GALNT17: variants seen among roughly 807,000 people sequenced by gnomAD.
GALNT17 encodes the protein UDP-GalNAc:polypeptide N-acetylgalactosaminyltransferase-like 3.
Under a neutral mutation model 63.7 loss-of-function variants are expected in GALNT17, and 29 were observed. The ratio of observed to expected loss-of-function variants is 0.46; its 90% CI spans 0.34 to 0.62. The LOEUF (loss-of-function observed/expected upper bound fraction) is 0.62. GALNT17 is among the 20% of genes least tolerant of loss of function. GALNT17 has a pLI of 0.01. For missense variants in GALNT17, 603 were observed against 799.6 expected (o/e 0.75, Z 2.97); for synonymous variants, 305 against 318.3 (o/e 0.96, Z 0.45).
chr7:71,517,707 C>T (rs1342608770), intron 5 of GALNT17, among the ~76,000 whole-genome samples: 1 of 152,152 alleles, frequency 6.6e-6, no homozygotes. Context: ...CAGCTCTTTG[C>T]CAGGGGCTGT....
chr7:71,438,579 GATA>G lies in GALNT17; in HGVS notation c.962+17481_962+17483del, dbSNP rs1413496829. Among the ~76,000 whole-genome samples the G allele has an allele frequency of 5.3e-5, 8 of 152,282 alleles. 1 individual carries two copies. Among genetic ancestry groups the G allele is most frequent in the Middle Eastern group, 3.4e-3 (1 of 292 alleles). On this transcript the variant is annotated intron_variant, in intron 5 of 10. Coordinates refer to ENST00000333538, the MANE Select transcript of GALNT17 (RefSeq NM_022479.3). ...CTTCAGATTCTTCATCTGTAAAGGGGATAATAATAGTACTGTCTTATAGGGTTG... is the reference window on the plus strand; with the variant it reads ...CTTCAGATTCTTCATCTGTAAAGGGGATAATAGTACTGTCTTATAGGGTTG...
At chr7:71,399,865 A>T (rs1233497747) in intron 3 of GALNT17, among the ~76,000 whole-genome samples, 1 of 152,204 alleles carries the variant, frequency 6.6e-6, no homozygotes, top group Non-Finnish European at 1.5e-5. Flanking sequence ...ATTTAAAAAA[A>T]TAGTATTGAT....
chr7:71,317,922 T>G (rs1295781265), intron 1 of GALNT17, among the ~76,000 whole-genome samples: 1 of 152,118 alleles, frequency 6.6e-6, no homozygotes, highest in African/African-American at 2.4e-5. Flanking sequence ...TTATTCATAA[T>G]TTTTGGGGTG....
Position 71,271,330 on chromosome 7 carries a change from T to C in GALNT17, c.239-64220T>C, listed in dbSNP as rs1790584522. 2.0e-5 allele frequency among the ~76,000 whole-genome samples: 3 copies of C among 152,186 alleles called. No homozygotes were observed. The South Asian group carries it at 6.2e-4, about 32-fold the overall frequency. On this transcript the variant is annotated intron_variant, in intron 1 of 10. Transcript: ENST00000333538. ...AGGGTGCACGGGGCACAGTCTAGCA[T>C]TTTCCTTGCTTTCCACATCAGGGTG...
Position 71,701,844 on chromosome 7 carries a change from T to C in GALNT17, c.1501-8917T>C, listed in dbSNP as rs1267496764. ...ATATATATACACATATATATATGTG[T>C]ATATATATATACACATATATATATA... On this transcript the variant is annotated intron_variant, in intron 9 of 10. Transcript: ENST00000333538. Among the ~76,000 whole-genome samples the C allele has an allele frequency of 6.5e-4, 56 of 85,748 alleles. 2 individuals carry two copies. The highest frequency in any genetic ancestry group is 3.8e-3 in the African/African-American group (52 of 13,700). The allele number at this position is 85,748 out of a possible 152,430, so 56.3% of individuals were successfully genotyped here.
chr7:71,622,272 T>C (rs926209395), intron 6 of GALNT17, among the ~76,000 whole-genome samples: 6 of 152,214 alleles, frequency 3.9e-5, no homozygotes, highest in African/African-American at 1.4e-4. Flanking sequence ...CCCCATTGTA[T>C]CAATCAAATG....
intron 6 of GALNT17, among the ~76,000 whole-genome samples, chr7:71,613,582 T>C (rs1056843601): frequency 6.6e-6 from 1 of 152,136 alleles, no homozygotes; most frequent in African/African-American, 2.4e-5. Context: ...TTCCAGTTCA[T>C]TGCATTCTGT....
At position 71,413,193 on chromosome 7, in the gene GALNT17, C is replaced by T. The variant is rs191368527; in HGVS notation, c.590-2696C>T. Among the ~76,000 whole-genome samples the T allele has an allele frequency of 2.5e-4, 38 of 152,238 alleles. 4 individuals are homozygous for T. The East Asian group carries it at 2.9e-3, about 12-fold the overall frequency. On this transcript the variant is annotated intron_variant, in intron 3 of 10. Transcript: ENST00000333538. ...GTGGTATTTTAGAATAGTGAGAGCT[C>T]ACGTCCAGATCTGCTGCATAACTTA... is the stretch of plus-strand genomic sequence containing the variant.
chr7:71,304,818 C>T (rs369566287), intron 1 of GALNT17, among the ~76,000 whole-genome samples: 2 of 151,808 alleles, frequency 1.3e-5, no homozygotes, highest in African/African-American at 2.4e-5. Context: ...GGCACGATCT[C>T]GGTTCACCTC....
chr7:71,360,610 G>T (rs1481755112), intron 2 of GALNT17, among the ~76,000 whole-genome samples: 1 of 152,182 alleles, frequency 6.6e-6, no homozygotes, highest in Admixed American at 6.5e-5. Context: ...ATAAGAGTGT[G>T]TAAATTACAG....
At chr7:71,148,824 T>G (rs1788073641) in intron 1 of GALNT17, among the ~76,000 whole-genome samples, 1 of 144,964 alleles carries the variant, frequency 6.9e-6, no homozygotes, top group African/African-American at 2.6e-5. Flanking sequence ...TGAAGGCATC[T>G]TAGATTTGAT....
chr7:71,440,088 C>G (rs1332517632), intron 5 of GALNT17, among the ~76,000 whole-genome samples: 1 of 151,706 alleles, frequency 6.6e-6, no homozygotes, highest in East Asian at 1.9e-4. Context: ...GCCACCACGC[C>G]TGGCTAATTT....
chr7:71,318,364 A>G (rs560719605), intron 1 of GALNT17, among the ~76,000 whole-genome samples: 1 of 152,058 alleles, frequency 6.6e-6, no homozygotes, highest in South Asian at 2.1e-4. Context: ...CTGTCACCAG[A>G]AAGAAGAGCA....
chr7:71,336,120 C>A (rs1399355422), intron 2 of GALNT17, among the ~76,000 whole-genome samples: 2 of 151,030 alleles, frequency 1.3e-5, no homozygotes, highest in African/African-American at 2.4e-5. Flanking sequence ...TCTCAGCTCA[C>A]CGCAACCTCC....
chr7:71,593,624 G>A (rs1041387590), intron 6 of GALNT17, among the ~76,000 whole-genome samples: 2 of 152,170 alleles, frequency 1.3e-5, no homozygotes, highest in African/African-American at 4.8e-5. Flanking sequence ...GAATGTCATG[G>A]ATGGGAACTT....
intron 6 of GALNT17, among the ~76,000 whole-genome samples, chr7:71,654,289 T>C (rs1790795646): frequency 6.6e-6 from 1 of 152,156 alleles, no homozygotes; most frequent in Admixed American, 6.5e-5. Flanking sequence ...CAACCGAAAG[T>C]GCTGGAATTA....
chr7:71,259,626 G>GTTTTTTTTT (rs1230386882), intron 1 of GALNT17, among the ~76,000 whole-genome samples: 1 of 137,104 alleles, frequency 7.3e-6, no homozygotes, highest in African/African-American at 2.9e-5. Context: ...TCTTGGTCCT[G>GTTTTTTTTT]TTTTGTTTTT....
At chr7:71,227,566 C>T (rs1214381102) in intron 1 of GALNT17, among the ~76,000 whole-genome samples, 2 of 151,736 alleles carry the variant, frequency 1.3e-5, no homozygotes, top group Admixed American at 6.6e-5. Context: ...GTTTTTTTGG[C>T]GAGAGACCCC....
intron 1 of GALNT17, among the ~76,000 whole-genome samples, chr7:71,176,518 A>C (rs1002733): frequency 6.6e-6 from 1 of 151,946 alleles, no homozygotes; most frequent in Admixed American, 6.6e-5. Context: ...GGACAGGAAA[A>C]GGGAATGAGG....
Sources: allele counts gnomAD v4.1 joint callset (sites outside exome capture counted in the v4.1 genomes callset), GRCh38; gene constraint gnomAD v4.1.1; transcripts MANE v1.5; gene names NCBI Gene and HGNC (gene_info 2026-07-23, HGNC 2026-07-21).